The following PDE8B variants were observed in gnomAD, a reference collection of about 807,000 sequenced individuals.
PDE8B encodes phosphodiesterase 8B, also known as high affinity cAMP-specific and IBMX-insensitive 3',5'-cyclic phosphodiesterase 8B.
A neutral mutation model predicts 101.3 loss-of-function variants in PDE8B; 26 were observed. That is an observed-to-expected ratio of 0.26 (90% CI 0.19 to 0.36). The LOEUF is 0.36. PDE8B is among the 10% of genes least tolerant of loss of function. PDE8B has a pLI of 1.00. For missense variants in PDE8B, 810 were observed against 1,163.1 expected (o/e 0.70, Z 4.42); for synonymous variants, 424 against 429.3 (o/e 0.99, Z 0.15).
intron 1 of PDE8B, among the ~76,000 whole-genome samples, chr5:77,231,254 T>C (rs976304707): frequency 1.3e-5 from 2 of 152,140 alleles, no homozygotes; most frequent in Non-Finnish European, 2.9e-5. Flanking sequence ...AGTGTGGAAA[T>C]TGGAAAGACA....
intron 1 of PDE8B, among the ~76,000 whole-genome samples, chr5:77,218,236 C>T (rs980692700): frequency 9.9e-5 from 15 of 152,224 alleles, no homozygotes; most frequent in African/African-American, 3.4e-4. Context: ...AACAGGATAG[C>T]TATAATAATA....
chr5:77,349,426 A>G lies in PDE8B; in HGVS notation c.884A>G (p.Asn295Ser), dbSNP rs1581178841. The G allele has an allele frequency of 1.2e-6, 2 of 1,614,014 alleles. No homozygotes were observed. The highest frequency in any genetic ancestry group is 1.3e-5 in the African/African-American group (1 of 74,908). ...TSDDHVIQYVNPAFERMMGYH... is the reference protein window; with the variant it reads ...TSDDHVIQYVSPAFERMMGYH... Reference sequence around the variant, plus strand: ...CCAACCTCCCATTAACAGTATGTCAACCCAGCCTTCGAAAGGATGATGGGC... The same window carrying G: ...CCAACCTCCCATTAACAGTATGTCAGCCCAGCCTTCGAAAGGATGATGGGC... Residue 295 changes from asparagine (N) to serine (S), a missense_variant, in exon 8 of 22, where the codon AAC becomes AGC. Asn to Ser is a conservative substitution (Grantham distance 46). Transcript: ENST00000264917.
the PDE8B span, among the ~76,000 whole-genome samples, chr5:77,174,644 G>T: frequency 6.6e-6 from 1 of 152,212 alleles, no homozygotes; most frequent in Admixed American, 6.5e-5. Context: ...CTCTGAGCAG[G>T]TTTTCCTCCT....
At chr5:77,246,792 A>G (rs148443529) in intron 1 of PDE8B, 1 of 152,222 alleles carries the variant, frequency 6.6e-6, no homozygotes, top group Non-Finnish European at 1.5e-5. Flanking sequence ...CGTTGAGGAA[A>G]GTGACTAAGC....
intron 10 of PDE8B, among the ~76,000 whole-genome samples, chr5:77,386,186 T>G (rs573343182): frequency 6.6e-6 from 1 of 152,326 alleles, no homozygotes; most frequent in East Asian, 1.9e-4. Flanking sequence ...TGAGGAATGT[T>G]TTACTTCCAA....
intron 18 of PDE8B, among the ~76,000 whole-genome samples, chr5:77,418,712 A>G (rs1796052832): frequency 6.6e-6 from 1 of 152,184 alleles, no homozygotes; most frequent in African/African-American, 2.4e-5. Context: ...AGTACACCAG[A>G]TATTTTTACC....
chr5:77,270,364 T>C (rs947366864), intron 1 of PDE8B, among the ~76,000 whole-genome samples: 6 of 152,244 alleles, frequency 3.9e-5, no homozygotes, highest in African/African-American at 1.4e-4. Context: ...TGGTGAAATC[T>C]TTAGGTTTTT....
At chr5:77,408,605 G>A (rs1438826493) in intron 13 of PDE8B, among the ~76,000 whole-genome samples, 1 of 152,090 alleles carries the variant, frequency 6.6e-6, no homozygotes, top group Admixed American at 6.5e-5. Flanking sequence ...GAGTGAGAGA[G>A]GGGCCCAGAA....
Position 77,418,363 on chromosome 5 carries a change from T to C in PDE8B, c.2046T>C (p.Ala682=). ...TTGCTGTGCTCTACAATGACACTGC[T>C]GTTCTGGAGAGTCACCACACCGCCC... ...SELAVLYNDT[A]VLESHHTALA... is the part of the protein sequence containing the mutation. The change falls in exon 18 of 22, where the codon GCT becomes GCC. Residue 682 remains alanine (A), a synonymous_variant. Coordinates refer to ENST00000264917, the MANE Select transcript of PDE8B (RefSeq NM_003719.5). 1 of 1,614,040 alleles carries C rather than the reference T, an allele frequency of 6.2e-7. No individual in the cohort carries two copies. Among genetic ancestry groups the C allele is most frequent in the Non-Finnish European group, 8.5e-7 (1 of 1,179,852 alleles).
intron 16 of PDE8B, among the ~76,000 whole-genome samples, chr5:77,412,465 C>T (rs1233014862): frequency 7.2e-5 from 11 of 152,124 alleles, no homozygotes; most frequent in Non-Finnish European, 2.9e-5. Flanking sequence ...TCCACAGCTC[C>T]CTCCTTTGTG....
chr5:77,291,722 G>A, intron 1 of PDE8B: 3 of 1,593,116 alleles, frequency 1.9e-6, no homozygotes, highest in Non-Finnish European at 1.7e-6. Flanking sequence ...GTGATGCCTG[G>A]AAACAGTACA....
the PDE8B span, among the ~76,000 whole-genome samples, chr5:77,095,573 G>A: frequency 3.3e-5 from 5 of 152,134 alleles, no homozygotes; most frequent in Non-Finnish European, 5.9e-5. Context: ...GATGTCTTTG[G>A]TGTTGGGCAT....
intron 21 of PDE8B, 177 bp downstream of exon 21, chr5:77,426,073 G>T: frequency 1.5e-6 from 1 of 673,340 alleles, no homozygotes; most frequent in Admixed American, 2.1e-5. Flanking sequence ...AGCTGGCACA[G>T]AAGCTTGTGT....
chr5:77,403,782 C>T (rs139581281), intron 11 of PDE8B, among the ~76,000 whole-genome samples: 73 of 151,918 alleles, frequency 4.8e-4, no homozygotes, highest in African/African-American at 1.5e-3. Context: ...ATAGTTCCCC[C>T]GAGAATGTCC....
chr5:77,348,211 C>T (rs377738269), intron 7 of PDE8B, among the ~76,000 whole-genome samples: 14 of 152,124 alleles, frequency 9.2e-5, no homozygotes, highest in African/African-American at 2.4e-5. Context: ...ACAGTTGGTT[C>T]GAACATCTCC....
At chr5:77,124,624 T>C in the PDE8B span, among the ~76,000 whole-genome samples, 17 of 151,910 alleles carry the variant, frequency 1.1e-4, no homozygotes, top group African/African-American at 3.9e-4. Context: ...ATATGTTTCT[T>C]ATATAAAGAG....
chr5:77,357,007 T>C (rs1393039061), intron 10 of PDE8B, among the ~76,000 whole-genome samples: 3 of 152,144 alleles, frequency 2.0e-5, no homozygotes, highest in Admixed American at 6.5e-5. Context: ...CCCAGGCCCC[T>C]AGGAGGCTTT....
the PDE8B span, among the ~76,000 whole-genome samples, chr5:77,127,123 A>G: frequency 1.3e-5 from 2 of 152,178 alleles, no homozygotes; most frequent in South Asian, 4.1e-4. Flanking sequence ...CACTTTCACA[A>G]GCTTATCCAG....
chr5:77,268,287 C>T (rs1013394909), intron 1 of PDE8B, among the ~76,000 whole-genome samples: 2 of 152,030 alleles, frequency 1.3e-5, no homozygotes, highest in Non-Finnish European at 1.5e-5. Context: ...TATTTTGATA[C>T]AGGCGTACAA....
Sources: gnomAD v4.1 joint callset for allele counts (sites outside exome capture counted in the v4.1 genomes callset) on GRCh38, gnomAD v4.1.1 for gene constraint, MANE v1.5 for transcripts, NCBI Gene and HGNC (gene_info 2026-07-23, HGNC 2026-07-21) for gene names.